Variants in UBAC2 observed in about 807,000 individuals in gnomAD.
The protein encoded by UBAC2 is ubiquitin-associated domain-containing protein 2.
A neutral mutation model predicts 44.0 loss-of-function variants in UBAC2; 26 were observed. The observed-to-expected ratio is 0.59, with a 90% CI of 0.43 to 0.82. The LOEUF (loss-of-function observed/expected upper bound fraction) is 0.82. UBAC2 is among the 40% of genes least tolerant of loss of function. UBAC2 has a pLI of 0.00. For synonymous variants in UBAC2, 155 were observed against 154.3 expected (o/e 1.00, Z -0.04); for missense variants, 329 against 419.4 (o/e 0.78, Z 1.88).
At chr13:99,381,597 T>C (rs951145448) in intron 8 of UBAC2, among the ~76,000 whole-genome samples, 2 of 152,222 alleles carry the variant, frequency 1.3e-5, no homozygotes, top group Non-Finnish European at 2.9e-5. Flanking sequence ...CCGTTTGGCC[T>C]GAGTTATCTC....
intron 2 of UBAC2, among the ~76,000 whole-genome samples, chr13:99,239,443 A>G (rs1416609957): frequency 1.3e-5 from 2 of 152,242 alleles, no homozygotes; most frequent in African/African-American, 4.8e-5. Context: ...CTAGATTTAT[A>G]TAAACACAGT....
intron 7 of UBAC2, among the ~76,000 whole-genome samples, chr13:99,345,754 T>G (rs955016391): frequency 2.7e-5 from 4 of 149,498 alleles, no homozygotes; most frequent in African/African-American, 9.8e-5. Flanking sequence ...TTTTTTTTTT[T>G]TTTTTTGAGA....
At chr13:99,218,428 G>GT (rs2043020498) in intron 1 of UBAC2, among the ~76,000 whole-genome samples, 1 of 151,194 alleles carries the variant, frequency 6.6e-6, no homozygotes, top group Admixed American at 6.6e-5. Context: ...AATTCACACT[G>GT]TTTAAGTATT....
chr13:99,227,391 C>A (rs2043123175), intron 1 of UBAC2, among the ~76,000 whole-genome samples: 1 of 152,148 alleles, frequency 6.6e-6, no homozygotes, highest in Admixed American at 6.5e-5. Flanking sequence ...ATAGAGTAAC[C>A]ACCATCTTGC....
At chr13:99,268,611 C>CAAAAAAAAAAAAAAAAAAAAAAAAAAAA in intron 4 of UBAC2, among the ~76,000 whole-genome samples, 1 of 75,738 alleles carries the variant, frequency 1.3e-5, no homozygotes, top group Non-Finnish European at 2.3e-5. Flanking sequence ...GACTCTGTCT[C>CAAAAAAAAAAAAAAAAAAAAAAAAAAAA]AAAAAAAAAA....
intron 6 of UBAC2, among the ~76,000 whole-genome samples, chr13:99,338,043 TTTTC>T (rs1162141231): frequency 1.5e-4 from 12 of 80,232 alleles, no homozygotes; most frequent in Admixed American, 2.6e-4. Context: ...TTTTTTCTTT[TTTTC>T]TTTTTTTTTT....
chr13:99,358,885 A>G (rs1207353078), intron 7 of UBAC2, among the ~76,000 whole-genome samples: 2 of 152,188 alleles, frequency 1.3e-5, no homozygotes, highest in African/African-American at 4.8e-5. Context: ...TCTCCTTAAC[A>G]TTTAGATGAA....
In UBAC2 at chr13:99,331,113, T is replaced by C. The variant is rs573675392; in HGVS notation, c.562-9207T>C. Among the ~76,000 whole-genome samples, 3 of 152,352 alleles carry C rather than the reference T, an allele frequency of 2.0e-5. No individual in the cohort carries two copies. In the South Asian group the frequency reaches 6.2e-4, roughly 32 times the overall value. ...TCCAGCTGAGATCACGTATCTCTTA[T>C]CCTTCGCCTCTCAGTCTGACCACTG... On this transcript the variant is annotated intron_variant, in intron 6 of 8. Coordinates refer to ENST00000403766, the MANE Select transcript of UBAC2 (RefSeq NM_001144072.2).
At position 99,314,234 on chromosome 13, in the gene UBAC2, T is replaced by A. The variant is rs1213755001; in HGVS notation, c.513+14T>A. 1 of 1,587,582 alleles carries A rather than the reference T, an allele frequency of 6.3e-7. No homozygotes were observed. The highest frequency in any genetic ancestry group is 2.2e-5 in the East Asian group (1 of 44,656). On this transcript the variant is annotated intron_variant, in intron 5 of 8. Transcript: ENST00000403766. The stretch of plus-strand genomic sequence containing the variant: ...TTGGGACTGCAGGTACAGTATGCAT[T>A]TTTATGTTCACTTTTCTTTAACCAG...
At chr13:99,203,065 A>G in intron 1 of UBAC2, among the ~76,000 whole-genome samples, 1 of 109,418 alleles carries the variant, frequency 9.1e-6, no homozygotes, top group Non-Finnish European at 2.2e-5. Context: ...ATTGAGATGG[A>G]GTCTCACTGT....
chr13:99,207,112 G>A (rs770218278), intron 1 of UBAC2, among the ~76,000 whole-genome samples: 24 of 152,136 alleles, frequency 1.6e-4, no homozygotes, highest in Non-Finnish European at 2.9e-4. Context: ...TTTCTCCTGC[G>A]GGTGCCTTAG....
Position 99,295,987 on chromosome 13 carries a change from C to T in UBAC2, c.390-18110C>T. 2 of 1,613,986 alleles carry T rather than the reference C, an allele frequency of 1.2e-6. No individual in the cohort carries two copies. Among genetic ancestry groups the T allele is most frequent in the Non-Finnish European group, 1.7e-6 (2 of 1,179,990 alleles). On this transcript the variant is annotated intron_variant, in intron 4 of 8. Transcript: ENST00000403766. This position sits in a 1 kb window ranked among gnomAD's most constrained non-coding sequence, Gnocchi z 4.1. Reference sequence around the variant, plus strand: ...TTTTCCTGTTTTGAACAATGACGACCAAGGCTAGTAAGTTTCCCACGAGCC... The same window carrying T: ...TTTTCCTGTTTTGAACAATGACGACTAAGGCTAGTAAGTTTCCCACGAGCC...
intron 7 of UBAC2, among the ~76,000 whole-genome samples, chr13:99,358,332 A>G (rs190562741): frequency 1.5e-3 from 232 of 152,326 alleles, no homozygotes; most frequent in African/African-American, 5.4e-3. Flanking sequence ...CTGTGTATCT[A>G]TGTGGCTGGA....
intron 7 of UBAC2, among the ~76,000 whole-genome samples, chr13:99,352,975 AT>A (rs1383093992): frequency 6.6e-6 from 1 of 152,194 alleles, no homozygotes; most frequent in Non-Finnish European, 1.5e-5. Context: ...TGTCCCGAGC[AT>A]CCTCAGAGAC....
At chr13:99,249,217 G>A (rs148678061) in intron 4 of UBAC2, among the ~76,000 whole-genome samples, 69 of 150,814 alleles carry the variant, frequency 4.6e-4, no homozygotes, top group African/African-American at 1.5e-3. Flanking sequence ...ATAGTCTTCC[G>A]TGTCTGTTGC....
At chr13:99,376,498 G>A (rs2045481750) in intron 8 of UBAC2, among the ~76,000 whole-genome samples, 1 of 152,238 alleles carries the variant, frequency 6.6e-6, no homozygotes, top group African/African-American at 2.4e-5. Context: ...GCTGGAGTTT[G>A]CCATTGCCAC....
At chr13:99,381,776 C>T (rs548561615) in intron 8 of UBAC2, among the ~76,000 whole-genome samples, 9 of 152,310 alleles carry the variant, frequency 5.9e-5, no homozygotes, top group African/African-American at 2.2e-4. Context: ...TGAGAAAGCA[C>T]AGGGAGGAAC....
chr13:99,232,874 G>A (rs1157875181), intron 1 of UBAC2, among the ~76,000 whole-genome samples: 1 of 152,074 alleles, frequency 6.6e-6, no homozygotes, highest in Non-Finnish European at 1.5e-5. Context: ...CCTAGGAGGT[G>A]GAGGTTGCAG....
chr13:99,251,668 A>C (rs896509257), intron 4 of UBAC2, among the ~76,000 whole-genome samples: 1 of 152,196 alleles, frequency 6.6e-6, no homozygotes, highest in Admixed American at 6.5e-5. Flanking sequence ...AGATTCCTCC[A>C]AGATGCTATC....
Sources: gnomAD v4.1 joint callset for allele counts (sites outside exome capture counted in the v4.1 genomes callset) on GRCh38, gnomAD v4.1.1 for gene constraint, Gnocchi (gnomAD v3.1) non-coding constraint, MANE v1.5 for transcripts, NCBI Gene and HGNC (gene_info 2026-07-23, HGNC 2026-07-21) for gene names.